INTS7: variants seen among roughly 807,000 people sequenced by gnomAD.
INTS7 encodes integrator complex subunit 7.
A neutral mutation model predicts 109.2 loss-of-function variants in INTS7; 46 were observed. That is an observed-to-expected ratio of 0.42 (90% CI 0.33 to 0.54). The LOEUF (loss-of-function observed/expected upper bound fraction) is 0.54. Ranked by LOEUF, INTS7 falls within the 20% of genes least tolerant of loss-of-function variation. The pLI, the probability that INTS7 is intolerant of heterozygous loss-of-function variation, is 0.07. For missense variants in INTS7, 929 were observed against 1,132.4 expected, an observed-to-expected ratio of 0.82 and a Z score of 2.58; for synonymous variants, 412 against 402.9, an observed-to-expected ratio of 1.02 and a Z score of -0.27.
Position 212,035,394 on chromosome 1 carries a change from T to C in INTS7, c.44A>G (p.Tyr15Cys). 1 of 1,614,094 alleles carries C rather than the reference T, an allele frequency of 6.2e-7. No homozygotes were observed. The highest frequency in any genetic ancestry group is 8.5e-7 in the Non-Finnish European group (1 of 1,179,906). Reference sequence around the variant, plus strand: ...GTTGGCATCCAGTTCCTGTTCGCCATAGCCGGCATCTGCCAGGAAAGACTT... The same window carrying C: ...GTTGGCATCCAGTTCCTGTTCGCCACAGCCGGCATCTGCCAGGAAAGACTT... ...STKSFLADAG[Y>C]GEQELDANSA... Residue 15 changes from tyrosine to cysteine, a missense_variant, in exon 1 of 20, where the codon TAT becomes TGT. By Grantham distance (194) the Tyr-to-Cys change is radical (BLOSUM62 -2). Transcript: ENST00000366994.
At chr1:212,016,168 C>T (rs778536022) in intron 4 of INTS7, among the ~76,000 whole-genome samples, 3 of 152,154 alleles carry the variant, frequency 2.0e-5, no homozygotes, top group Non-Finnish European at 4.4e-5. Context: ...AACCAGCATC[C>T]ATACAAATAA....
chr1:212,022,688 G>A (rs1210659474), intron 1 of INTS7, among the ~76,000 whole-genome samples: 3 of 152,196 alleles, frequency 2.0e-5, no homozygotes, highest in Non-Finnish European at 4.4e-5. Context: ...TACCTTGTTA[G>A]TGGGAATGTA....
At chr1:211,957,657 G>A (rs893340699) in intron 16 of INTS7, among the ~76,000 whole-genome samples, 4 of 152,098 alleles carry the variant, frequency 2.6e-5, no homozygotes, top group East Asian at 1.9e-4. Context: ...CTTGCTGTCC[G>A]TAACCTTTTT....
intron 1 of INTS7, among the ~76,000 whole-genome samples, chr1:212,022,902 C>T (rs187134557): frequency 6.6e-6 from 1 of 152,282 alleles, no homozygotes; most frequent in African/African-American, 2.4e-5. Context: ...CTCTCCCTCC[C>T]TTCCTCCCTA....
At chr1:211,979,432 T>C (rs1248217356) in intron 10 of INTS7, among the ~76,000 whole-genome samples, 1 of 152,200 alleles carries the variant, frequency 6.6e-6, no homozygotes. Context: ...AAGTTTCTGA[T>C]GTGTATAAGA....
chr1:212,035,437 TGACCCGAATAGTTACTC>T lies in INTS7; in HGVS notation c.-17_-1del. The T allele has an allele frequency of 6.2e-7, 1 of 1,611,030 alleles. No individual in the cohort carries two copies. Among genetic ancestry groups the T allele is most frequent in the Non-Finnish European group, 8.5e-7 (1 of 1,177,162 alleles). On this transcript the variant is annotated 5_prime_UTR_variant, in exon 1 of 20. Transcript: ENST00000366994. ...AAAGACTTAGTTGAGTTTGACGCCA[TGACCCGAATAGTTACTC>T]GACTAGCCTAGTCAGAAAGCTTGCA...
chr1:211,958,969 G>C (rs2102398303), intron 16 of INTS7, among the ~76,000 whole-genome samples: 1 of 152,294 alleles, frequency 6.6e-6, no homozygotes, highest in South Asian at 2.1e-4. Context: ...GGCTGAAGGG[G>C]AGGAAGCTGG....
intron 19 of INTS7, among the ~76,000 whole-genome samples, chr1:211,944,141 G>T (rs1662746412): frequency 6.7e-6 from 1 of 148,796 alleles, no homozygotes. Context: ...TTTTTTTAAT[G>T]ATAAAATTTA....
chr1:211,961,430 C>G (rs572491412), intron 16 of INTS7, among the ~76,000 whole-genome samples: 1 of 143,836 alleles, frequency 7.0e-6, no homozygotes, highest in Admixed American at 7.0e-5. Flanking sequence ...ATATTCAATT[C>G]TTTTTTTTTT....
intron 7 of INTS7, among the ~76,000 whole-genome samples, chr1:211,991,520 A>AGTTTTGG (rs1665146474): frequency 6.6e-6 from 1 of 152,248 alleles, no homozygotes; most frequent in Non-Finnish European, 1.5e-5. Flanking sequence ...CAGTCATTAT[A>AGTTTTGG]CATCCTTTTG....
intron 12 of INTS7, among the ~76,000 whole-genome samples, chr1:211,975,699 A>T (rs1166094771): frequency 6.6e-6 from 1 of 152,206 alleles, no homozygotes; most frequent in Admixed American, 6.5e-5. Context: ...GTTATTCTAG[A>T]TGAACTATTT....
At chr1:211,980,636 G>A (rs571078151) in intron 10 of INTS7, among the ~76,000 whole-genome samples, 9 of 151,916 alleles carry the variant, frequency 5.9e-5, no homozygotes, top group Admixed American at 2.6e-4. Flanking sequence ...TGGGGTCTCA[G>A]TATGCTGCCC....
intron 2 of INTS7, chr1:212,020,713 GT>G (rs1666653141): frequency 9.9e-7 from 1 of 1,010,678 alleles, no homozygotes; most frequent in South Asian, 4.3e-5. Context: ...CATGTATTCA[GT>G]GCTTACATGT....
intron 16 of INTS7, among the ~76,000 whole-genome samples, chr1:211,963,088 G>GA (rs568047708): frequency 6.6e-6 from 1 of 151,602 alleles, no homozygotes; most frequent in Non-Finnish European, 1.5e-5. Flanking sequence ...TTGGTGTTTT[G>GA]AAAAAAAATT....
At chr1:212,006,994 T>TC (rs765524329) in intron 6 of INTS7, among the ~76,000 whole-genome samples, 83 of 151,968 alleles carry the variant, frequency 5.5e-4, no homozygotes, top group Non-Finnish European at 1.0e-3. Context: ...CTCAATCCTT[T>TC]CTTTTTTTTT....
intron 7 of INTS7, among the ~76,000 whole-genome samples, chr1:211,997,224 T>C (rs1055308904): frequency 2.0e-5 from 3 of 151,328 alleles, no homozygotes; most frequent in African/African-American, 7.3e-5. Context: ...ATACCACTGA[T>C]GAGAAACTGA....
intron 10 of INTS7, among the ~76,000 whole-genome samples, chr1:211,979,848 C>A (rs565568650): frequency 6.4e-4 from 98 of 152,304 alleles, no homozygotes; most frequent in Admixed American, 9.2e-4. Flanking sequence ...TTCCCTAATA[C>A]CCTTGGTTAA....
Position 212,035,498 on chromosome 1 carries a change from C to A in INTS7, c.-61G>T. The A allele has an allele frequency of 8.3e-7, 1 of 1,208,150 alleles. No homozygotes were observed. Among genetic ancestry groups the A allele is most frequent in the Non-Finnish European group, 1.2e-6 (1 of 811,340 alleles). 74.8% of individuals were successfully genotyped at this position (1,208,150 alleles called of 1,614,324 possible). On this transcript the variant is annotated 5_prime_UTR_variant, in exon 1 of 20. Transcript: ENST00000366994. ...GCTTGCAAACTCTACCCCAGGACCGCCATCTTCCCCCGCCGCCTTCTTGCT... is the reference window on the plus strand; with the variant it reads ...GCTTGCAAACTCTACCCCAGGACCGACATCTTCCCCCGCCGCCTTCTTGCT...
chr1:212,008,599 G>A (rs1034639716), intron 5 of INTS7, among the ~76,000 whole-genome samples: 7 of 152,068 alleles, frequency 4.6e-5, no homozygotes, highest in African/African-American at 1.4e-4. Context: ...CTCCTGCCCC[G>A]ACGTCAGACG....
Sources: allele counts gnomAD v4.1 joint callset (sites outside exome capture counted in the v4.1 genomes callset), GRCh38; gene constraint gnomAD v4.1.1; transcripts MANE v1.5; gene names NCBI Gene and HGNC (gene_info 2026-07-23, HGNC 2026-07-21).